Variants in ENOPH1 observed in about 807,000 individuals in gnomAD.
ENOPH1 encodes enolase-phosphatase E1.
ENOPH1 carries 14 observed loss-of-function variants against 31.1 expected under a neutral mutation model. The ratio of observed to expected loss-of-function variants is 0.45; its 90% CI spans 0.30 to 0.70. The LOEUF is 0.70. Among genes scored for constraint, ENOPH1 ranks in the 30% least tolerant of loss-of-function variants. The pLI, the probability that ENOPH1 is intolerant of heterozygous loss-of-function variation, is 0.09. For synonymous variants in ENOPH1, 127 were observed against 123.2 expected (o/e 1.03, Z -0.21); for missense variants, 243 against 321.5 (o/e 0.76, Z 1.87).
chr4:82,457,807 AC>A (rs1316578095), intron 5 of ENOPH1, among the ~76,000 whole-genome samples: 2 of 152,056 alleles, frequency 1.3e-5, no homozygotes, highest in Non-Finnish European at 2.9e-5. Context: ...AAGAATTATA[AC>A]CCCTGTCCTT....
chr4:82,446,977 AT>A (rs779103019), intron 1 of ENOPH1, among the ~76,000 whole-genome samples: 1 of 151,220 alleles, frequency 6.6e-6, no homozygotes, highest in South Asian at 2.1e-4. Context: ...AAGTGCTGGG[AT>A]TACAGGCGTG....
At chr4:82,433,915 T>G (rs1413467759) in intron 1 of ENOPH1, among the ~76,000 whole-genome samples, 5 of 152,210 alleles carry the variant, frequency 3.3e-5, no homozygotes, top group Non-Finnish European at 7.3e-5. Flanking sequence ...AAAGATAATC[T>G]GCTTGGAGCT....
chr4:82,452,773 G>T (rs1722382702), intron 3 of ENOPH1, among the ~76,000 whole-genome samples: 1 of 151,558 alleles, frequency 6.6e-6, no homozygotes, highest in Non-Finnish European at 1.5e-5. Context: ...TTTTAGTAGA[G>T]ACAGGGTTTT....
intron 1 of ENOPH1, among the ~76,000 whole-genome samples, chr4:82,438,877 A>G (rs1349337993): frequency 2.0e-5 from 3 of 152,188 alleles, no homozygotes; most frequent in Non-Finnish European, 4.4e-5. Context: ...AAAGAAAACA[A>G]AGTATTCTTT....
chr4:82,451,707 CCA>C (rs1722357266), intron 3 of ENOPH1, among the ~76,000 whole-genome samples: 1 of 152,212 alleles, frequency 6.6e-6, no homozygotes, highest in African/African-American at 2.4e-5. Flanking sequence ...TGAGCAACTT[CCA>C]CAGATTCTTT....
Position 82,451,231 on chromosome 4 carries a change from G to A in ENOPH1, c.375G>A (p.Gly125=), listed in dbSNP as rs890835306. The stretch of plus-strand genomic sequence containing the variant: ...TGTGGAGGGCGGCATTCACAGCTGG[G>A]CGCATGAAAGCAGAGTATGTGCTTG... ...GHMWRAAFTA[G]RMKAEFFADV... Residue 125 remains glycine (G), a synonymous_variant, in exon 3 of 6, where the codon GGG becomes GGA. Transcript: ENST00000273920. 8.1e-6 allele frequency: 13 copies of A among 1,614,068 alleles called. No homozygotes were observed. Among genetic ancestry groups the A allele is most frequent in the Non-Finnish European group, 1.0e-5 (12 of 1,180,038 alleles).
At chr4:82,456,577 A>T (rs1212323204) in intron 4 of ENOPH1, among the ~76,000 whole-genome samples, 1 of 152,230 alleles carries the variant, frequency 6.6e-6, no homozygotes, top group East Asian at 1.9e-4. Flanking sequence ...GTAAAATTCA[A>T]TCCAGTGAGT....
intron 1 of ENOPH1, among the ~76,000 whole-genome samples, chr4:82,437,741 C>T (rs912632135): frequency 4.6e-5 from 7 of 152,190 alleles, no homozygotes; most frequent in African/African-American, 1.7e-4. Context: ...TCCTCTTTTT[C>T]AAGCTGTGTG....
chr4:82,434,296 G>A (rs1339101048), intron 1 of ENOPH1, among the ~76,000 whole-genome samples: 2 of 152,132 alleles, frequency 1.3e-5, no homozygotes, highest in African/African-American at 4.8e-5. Flanking sequence ...AAAGTATATG[G>A]TAACAAGCCA....
Position 82,460,247 on chromosome 4 carries a change from A to G in ENOPH1, c.*127A>G. ...CACATATGTATGCAAGTATGTATATATGTGTATGCTCAGATTAACTTCCAT... is the reference window on the plus strand; with the variant it reads ...CACATATGTATGCAAGTATGTATATGTGTGTATGCTCAGATTAACTTCCAT... On this transcript the variant is annotated 3_prime_UTR_variant, in exon 6 of 6. Transcript: ENST00000273920. 1.1e-6 allele frequency: 1 copy of G among 918,310 alleles called. No individual in the cohort carries two copies. The highest frequency in any genetic ancestry group is 2.4e-5 in the Admixed American group (1 of 42,330). 56.9% of individuals were successfully genotyped at this position (918,310 alleles called of 1,614,324 possible). A position where few individuals can be genotyped will look rare whatever the true frequency, so the allele number is the denominator to read the frequency against.
chr4:82,448,959 G>A (rs1245635471), intron 2 of ENOPH1, among the ~76,000 whole-genome samples: 2 of 150,166 alleles, frequency 1.3e-5, no homozygotes, highest in Admixed American at 6.7e-5. Flanking sequence ...TTGGGAGGCT[G>A]AGGCAGGAGA....
Position 82,430,692 on chromosome 4 carries a change from G to T in ENOPH1, c.-138G>T, listed in dbSNP as rs1045250. On this transcript the variant is annotated 5_prime_UTR_variant, in exon 1 of 6. Transcript: ENST00000273920. ...AAGTGTCCTCTCCCCACGCGCGGCG[G>T]GCTGCACTTGGTCGCTGGCTCCGAG... is the stretch of plus-strand genomic sequence containing the variant. The T allele has an allele frequency of 0.076, 53,976 of 706,912 alleles. 2,243 individuals carry two copies. Among genetic ancestry groups the T allele is most frequent in the Admixed American group, 0.11 (4,300 of 38,022 alleles). 43.8% of individuals were successfully genotyped at this position (706,912 alleles called of 1,614,324 possible).
Position 82,456,989 on chromosome 4 carries a change from C to T in ENOPH1, c.597C>T (p.Ser199=). The T allele has an allele frequency of 6.2e-7, 1 of 1,614,044 alleles. No homozygotes were observed. The highest frequency in any genetic ancestry group is 8.5e-7 in the Non-Finnish European group (1 of 1,179,974). Residue 199 remains serine, a synonymous_variant, in exon 5 of 6, where the codon AGC becomes AGT. Coordinates refer to ENST00000273920, the MANE Select transcript of ENOPH1 (RefSeq NM_021204.5). ...AAAGTTACCGAAAGATTGCAGACAG[C>T]ATTGGGTGCTCAACCAACAACATTT... ...ESESYRKIAD[S]IGCSTNNILF...
chr4:82,457,102 C>A lies in ENOPH1; in HGVS notation c.646+64C>A, dbSNP rs1260196530. The A allele has an allele frequency of 6.9e-6, 10 of 1,441,960 alleles. No individual in the cohort carries two copies. The Admixed American group carries it at 2.2e-4, about 32-fold the overall frequency. The allele number at this position is 1,441,960 out of a possible 1,614,324, so 89.3% of individuals were successfully genotyped here. A position where few individuals can be genotyped will look rare whatever the true frequency, so the allele number is the denominator to read the frequency against. On this transcript the variant is annotated intron_variant, in intron 5 of 5. Coordinates refer to ENST00000273920, the MANE Select transcript of ENOPH1 (RefSeq NM_021204.5). The stretch of plus-strand genomic sequence containing the variant: ...TGAACTGAGCCTGGCACTACAAATA[C>A]ATTGCCTCTTTAAAGAAACTTTATA...
At chr4:82,449,036 C>G (rs991157854) in intron 2 of ENOPH1, among the ~76,000 whole-genome samples, 2 of 122,498 alleles carry the variant, frequency 1.6e-5, no homozygotes, top group African/African-American at 6.4e-5. Context: ...CCAGCCTGGG[C>G]GACAGAGCGA....
intron 1 of ENOPH1, among the ~76,000 whole-genome samples, chr4:82,440,492 T>A (rs1467258265): frequency 3.9e-5 from 6 of 152,230 alleles, no homozygotes; most frequent in Non-Finnish European, 5.9e-5. Context: ...AACCTCAGTG[T>A]CTTCCTCTAT....
chr4:82,455,073 A>T (rs977817894), intron 4 of ENOPH1, among the ~76,000 whole-genome samples: 4 of 152,178 alleles, frequency 2.6e-5, no homozygotes, highest in Non-Finnish European at 5.9e-5. Flanking sequence ...AAATAAAATC[A>T]GTTAGGATGC....
intron 5 of ENOPH1, among the ~76,000 whole-genome samples, chr4:82,457,243 G>T (rs772478810): frequency 1.1e-4 from 16 of 152,092 alleles, no homozygotes; most frequent in Admixed American, 2.0e-4. Flanking sequence ...AGGCTTGGTG[G>T]CTCATGCCTG....
chr4:82,459,851 C>A, intron 5 of ENOPH1, 130 bp from the exon 6 acceptor site: 3 of 934,092 alleles, frequency 3.2e-6, no homozygotes, highest in Admixed American at 2.3e-5. Context: ...CATCTTTTAG[C>A]TTCAACAGTC....
Sources: allele counts gnomAD v4.1 joint callset (sites outside exome capture counted in the v4.1 genomes callset), GRCh38; gene constraint gnomAD v4.1.1; transcripts MANE v1.5; gene names NCBI Gene and HGNC (gene_info 2026-07-23, HGNC 2026-07-21).